Variants in ANO6 observed in about 807,000 individuals in gnomAD.
ANO6 encodes the protein anoctamin-6.
A neutral mutation model predicts 117.5 loss-of-function variants in ANO6; 106 were observed. That is an observed-to-expected ratio of 0.90 (90% CI 0.77 to 1.06). ANO6 has a LOEUF of 1.06. Among genes scored for constraint, ANO6 ranks in the 50% least tolerant of loss-of-function variants. ANO6 has a pLI of 0.00. For missense variants in ANO6, 955 were observed against 1,121.1 expected (o/e 0.85, Z 2.12); for synonymous variants, 367 against 385.1 (o/e 0.95, Z 0.55).
chr12:45,216,401 G>C lies in ANO6; in HGVS notation c.70+10G>C. The C allele has an allele frequency of 6.2e-7, 1 of 1,609,454 alleles. No individual in the cohort carries two copies. The highest frequency in any genetic ancestry group is 8.5e-7 in the Non-Finnish European group (1 of 1,178,252). On this transcript the variant is annotated intron_variant, in intron 1 of 19. Coordinates refer to ENST00000320560, the MANE Select transcript of ANO6 (RefSeq NM_001025356.3). ...GACGATGGGGATATCGGTGAGCGAGGGGTCCCCGCGTCCCCACCCGAGAGC... is the reference window on the plus strand; with the variant it reads ...GACGATGGGGATATCGGTGAGCGAGCGGTCCCCGCGTCCCCACCCGAGAGC...
In ANO6 at chr12:45,431,057, A is replaced by AGTAT. The variant is rs1222416558; in HGVS notation, c.*1746_*1747insGTAT. On this transcript the variant is annotated 3_prime_UTR_variant, in exon 20 of 20. Transcript: ENST00000320560. Reference sequence around the variant, plus strand: ...GCCTGCCATGAATGATTTGTAAGTAATTATGTAGGATCCATCAAAGCAGTA... The same window carrying AGTAT: ...GCCTGCCATGAATGATTTGTAAGTAAGTATTTATGTAGGATCCATCAAAGCAGTA... The AGTAT allele has an allele frequency of 3.0e-6, 3 of 985,268 alleles. No homozygotes were observed. The highest frequency in any genetic ancestry group is 1.2e-4 in the Admixed American group (2 of 16,278). 61.0% of individuals were successfully genotyped at this position (985,268 alleles called of 1,614,324 possible). A position where few individuals can be genotyped will look rare whatever the true frequency, so the allele number is the denominator to read the frequency against.
intron 17 of ANO6, among the ~76,000 whole-genome samples, chr12:45,419,776 G>T (rs774857005): frequency 1.3e-5 from 2 of 151,768 alleles, no homozygotes; most frequent in African/African-American, 2.4e-5. Flanking sequence ...TTACACACTG[G>T]AGAGTTTAAA....
At chr12:45,372,514 C>G (rs11183008) in intron 9 of ANO6, among the ~76,000 whole-genome samples, 2 of 141,312 alleles carry the variant, frequency 1.4e-5, no homozygotes, top group African/African-American at 5.4e-5. Flanking sequence ...GCGGATCTCT[C>G]GGCAGAAACC....
At chr12:45,313,679 GTACAGT>G (rs1162333807) in intron 2 of ANO6, among the ~76,000 whole-genome samples, 1 of 151,980 alleles carries the variant, frequency 6.6e-6, no homozygotes, top group East Asian at 1.9e-4. Context: ...GCCTGAGAAA[GTACAGT>G]TACAGACACT....
rs562790000 is a variant in ANO6 at position 45,374,222 on chromosome 12, AC to A, written c.1105-3829del. Among the ~76,000 whole-genome samples the A allele has an allele frequency of 4.9e-3, 552 of 113,588 alleles. 7 individuals carry two copies. The highest frequency in any genetic ancestry group is 0.019 in the African/African-American group (530 of 28,306). The allele number at this position is 113,588 out of a possible 152,430, so 74.5% of individuals were successfully genotyped here. On this transcript the variant is annotated intron_variant, in intron 9 of 19. Transcript: ENST00000320560. ...TGTGGCAATAATCAATAGCTTACCA[AC>A]CAAAAAGAGTCCAGGACCAGATGGA...
chr12:45,427,057 T>A (rs903518494), intron 19 of ANO6, among the ~76,000 whole-genome samples: 5 of 151,898 alleles, frequency 3.3e-5, no homozygotes, highest in African/African-American at 1.2e-4. Flanking sequence ...CCACAGTATT[T>A]CCCTCTTGAT....
At chr12:45,349,944 C>T (rs2137453520) in intron 6 of ANO6, among the ~76,000 whole-genome samples, 1 of 152,304 alleles carries the variant, frequency 6.6e-6, no homozygotes, top group East Asian at 1.9e-4. Context: ...CCACTAAAGC[C>T]TCTTCTAATT....
intron 4 of ANO6, 60 bp from the exon 5 acceptor site, chr12:45,347,968 T>A: frequency 1.3e-6 from 2 of 1,515,630 alleles, no homozygotes; most frequent in East Asian, 4.5e-5. Flanking sequence ...AAAATCTATG[T>A]GTTTTAAAAT....
rs551517877 is a variant in ANO6, at chr12:45,255,818, G to GTTTTTTTTTTTTTTTTTTTTTTTTTT, written c.70+39447_70+39448insTTTTTTTTTTTTTTTTTTTTTTTTTT. Among the ~76,000 whole-genome samples the GTTTTTTTTTTTTTTTTTTTTTTTTTT allele has an allele frequency of 6.0e-4, 49 of 81,688 alleles. 3 individuals are homozygous for GTTTTTTTTTTTTTTTTTTTTTTTTTT. The highest frequency in any genetic ancestry group is 2.1e-3 in the African/African-American group (47 of 22,236). The allele number at this position is 81,688 out of a possible 152,430, so 53.6% of individuals were successfully genotyped here. A position where few individuals can be genotyped will look rare whatever the true frequency, so the allele number is the denominator to read the frequency against. On this transcript the variant is annotated intron_variant, in intron 1 of 19. Transcript: ENST00000320560. The stretch of plus-strand genomic sequence containing the variant: ...CTGGCCCCAGGTTTTCTCCCTGGGT[G>GTTTTTTTTTTTTTTTTTTTTTTTTTT]TTTTTTTTTTTTTTTTTTTTGAGAC...
chr12:45,345,332 A>G (rs770269564), intron 3 of ANO6, among the ~76,000 whole-genome samples: 5 of 152,086 alleles, frequency 3.3e-5, no homozygotes, highest in Non-Finnish European at 5.9e-5. Context: ...AGCTTCACCT[A>G]CTTCTAGTTT....
At chr12:45,307,474 G>A (rs974045596) in intron 2 of ANO6, among the ~76,000 whole-genome samples, 1 of 152,178 alleles carries the variant, frequency 6.6e-6, no homozygotes, top group Admixed American at 6.5e-5. Flanking sequence ...GGAAGGAGCA[G>A]TTTGGGGAGA....
At chr12:45,419,471 AAC>A (rs1943301019) in intron 17 of ANO6, among the ~76,000 whole-genome samples, 1 of 152,248 alleles carries the variant, frequency 6.6e-6, no homozygotes, top group African/African-American at 2.4e-5. Context: ...GACAGGCAGA[AAC>A]ACACTCATAT....
intron 1 of ANO6, among the ~76,000 whole-genome samples, chr12:45,220,393 T>C (rs1947378814): frequency 6.6e-6 from 1 of 152,222 alleles, no homozygotes; most frequent in African/African-American, 2.4e-5. Flanking sequence ...TTTTCAACTG[T>C]CACATTTTTA....
intron 2 of ANO6, among the ~76,000 whole-genome samples, chr12:45,321,170 G>A (rs1592962098): frequency 6.6e-6 from 1 of 152,130 alleles, no homozygotes; most frequent in South Asian, 2.1e-4. Context: ...AGATGATTCA[G>A]TCTTACATAG....
At chr12:45,332,653 C>G (rs936939176) in intron 3 of ANO6, among the ~76,000 whole-genome samples, 1 of 151,992 alleles carries the variant, frequency 6.6e-6, no homozygotes, top group African/African-American at 2.4e-5. Context: ...TTGTTCACGT[C>G]AAGGTCAAAT....
rs1382337558 is a variant in ANO6 at position 45,248,702 on chromosome 12, G to A, written c.70+32311G>A. On this transcript the variant is annotated intron_variant, in intron 1 of 19. Transcript: ENST00000320560. ...CAAAGTGCTGGGATTATAGGTGTGA[G>A]CCTCCACGCCTGGCACAAAAAGTAG... Among the ~76,000 whole-genome samples the A allele has an allele frequency of 2.0e-5, 3 of 152,144 alleles. No individual in the cohort carries two copies. The East Asian group carries it at 5.8e-4, about 29-fold the overall frequency.
downstream of ANO6, among the ~76,000 whole-genome samples, chr12:45,435,703 C>T (rs1943699556): frequency 2.3e-5 from 2 of 86,044 alleles, no homozygotes; most frequent in South Asian, 1.2e-3. Flanking sequence ...GAGTACAACA[C>T]AAACTCACTG....
intron 1 of ANO6, among the ~76,000 whole-genome samples, chr12:45,285,481 C>T (rs1028272955): frequency 3.9e-5 from 6 of 152,168 alleles, no homozygotes; most frequent in South Asian, 2.1e-4. Flanking sequence ...CGGTGGCTCA[C>T]GCCTGTAATC....
At position 45,430,685 on chromosome 12, in the gene ANO6, G is replaced by A; in HGVS notation, c.*1374G>A. Reference sequence around the variant, plus strand: ...TGGTCACAAACCCTACCATTATCTGGAGATTACTTCCTGCTGCACTCCTGT... The same window carrying A: ...TGGTCACAAACCCTACCATTATCTGAAGATTACTTCCTGCTGCACTCCTGT... On this transcript the variant is annotated 3_prime_UTR_variant, in exon 20 of 20. Transcript: ENST00000320560. The A allele has an allele frequency of 1.0e-6, 1 of 985,396 alleles. No individual in the cohort carries two copies. Among genetic ancestry groups the A allele is most frequent in the Non-Finnish European group, 1.2e-6 (1 of 829,942 alleles). 61.0% of individuals were successfully genotyped at this position (985,396 alleles called of 1,614,324 possible).
Sources: gnomAD v4.1 joint callset for allele counts (sites outside exome capture counted in the v4.1 genomes callset) on GRCh38, gnomAD v4.1.1 for gene constraint, MANE v1.5 for transcripts, NCBI Gene and HGNC (gene_info 2026-07-23, HGNC 2026-07-21) for gene names.